Variants in STK32B observed in about 807,000 individuals in gnomAD.
STK32B encodes the protein serine/threonine-protein kinase 32B.
A neutral mutation model predicts 52.6 loss-of-function variants in STK32B; 43 were observed. That is an observed-to-expected ratio of 0.82 (90% CI 0.64 to 1.05). STK32B has a LOEUF of 1.05. Ranked by LOEUF, STK32B falls within the 50% of genes least tolerant of loss-of-function variation. The pLI, the probability that STK32B is intolerant of heterozygous loss-of-function variation, is 0.00. For missense variants in STK32B, 621 were observed against 534.6 expected (o/e 1.16, Z -1.59); for synonymous variants, 238 against 204.3 (o/e 1.17, Z -1.41).
intron 6 of STK32B, among the ~76,000 whole-genome samples, chr4:5,438,297 C>T (rs116771631): frequency 2.6e-5 from 4 of 152,118 alleles, no homozygotes; most frequent in South Asian, 2.1e-4. Context: ...AGGTGGGATT[C>T]GGAATAGCAC....
chr4:5,438,098 C>T lies in STK32B; in HGVS notation c.563-8575C>T, dbSNP rs191238059. ...TGACAAGGTTTGATGGGGAACACCTCGGCACACACAGCCATTCTGCACTGC... is the reference window on the plus strand; with the variant it reads ...TGACAAGGTTTGATGGGGAACACCTTGGCACACACAGCCATTCTGCACTGC... On this transcript the variant is annotated intron_variant, in intron 6 of 11. Coordinates refer to ENST00000282908, the MANE Select transcript of STK32B (RefSeq NM_018401.3). 4.3e-4 allele frequency: 424 copies of T among 985,522 alleles called. 5 individuals carry two copies. The highest frequency in any genetic ancestry group is 7.1e-4 in the African/African-American group (41 of 57,356). 61.0% of individuals were successfully genotyped at this position (985,522 alleles called of 1,614,324 possible). A position where few individuals can be genotyped will look rare whatever the true frequency, so the allele number is the denominator to read the frequency against.
chr4:5,336,538 G>T (rs1475590002), intron 4 of STK32B, among the ~76,000 whole-genome samples: 2 of 152,014 alleles, frequency 1.3e-5, no homozygotes, highest in Non-Finnish European at 2.9e-5. Flanking sequence ...AATTTTGCAT[G>T]TGTGAAACAA....
chr4:5,261,028 G>A (rs937048018), intron 3 of STK32B, among the ~76,000 whole-genome samples: 6 of 152,146 alleles, frequency 3.9e-5, no homozygotes, highest in Admixed American at 1.3e-4. Flanking sequence ...AAGGAAGGGG[G>A]ACACGTTGGT....
At chr4:5,426,695 A>AAAAAAAC (rs1713132936) in intron 6 of STK32B, among the ~76,000 whole-genome samples, 2 of 143,838 alleles carry the variant, frequency 1.4e-5, no homozygotes, top group South Asian at 4.3e-4. Flanking sequence ...ATCTAAACAA[A>AAAAAAAC]AAAAAAAAAA....
At chr4:5,251,561 G>C (rs559623011) in intron 3 of STK32B, among the ~76,000 whole-genome samples, 1 of 152,064 alleles carries the variant, frequency 6.6e-6, no homozygotes, top group East Asian at 1.9e-4. Context: ...TAGTTATTCA[G>C]GCTCTCTCTT....
At chr4:5,458,482 A>G (rs1385006776) in intron 8 of STK32B, 1 of 152,202 alleles carries the variant, frequency 6.6e-6, no homozygotes, top group African/African-American at 2.4e-5. Flanking sequence ...GGAAACCAAA[A>G]TCATTCAACC....
At chr4:5,128,693 A>G (rs1001258206) in intron 1 of STK32B, among the ~76,000 whole-genome samples, 3 of 152,202 alleles carry the variant, frequency 2.0e-5, no homozygotes, top group Non-Finnish European at 2.9e-5. Context: ...CATGGGGAGT[A>G]AACAGGGAGT....
intron 2 of STK32B, among the ~76,000 whole-genome samples, chr4:5,166,989 C>T (rs1285129886): frequency 6.6e-6 from 1 of 152,196 alleles, no homozygotes; most frequent in Non-Finnish European, 1.5e-5. Context: ...TCCTTGCTAA[C>T]TGTCCATGCC....
intron 4 of STK32B, among the ~76,000 whole-genome samples, chr4:5,392,973 T>C (rs1217975879): frequency 6.6e-6 from 1 of 152,214 alleles, no homozygotes; most frequent in Admixed American, 6.5e-5. Context: ...AAAGAAGTAA[T>C]GTTTAATGAG....
intron 6 of STK32B, among the ~76,000 whole-genome samples, chr4:5,440,954 C>T (rs1450558233): frequency 1.3e-5 from 2 of 150,460 alleles, no homozygotes; most frequent in Non-Finnish European, 3.0e-5. Context: ...AGGGATGAAG[C>T]CCACTTGATC....
intron 3 of STK32B, among the ~76,000 whole-genome samples, chr4:5,169,491 A>G (rs1186024733): frequency 6.6e-6 from 1 of 152,100 alleles, no homozygotes; most frequent in South Asian, 2.1e-4. Context: ...GTTGCCCTGC[A>G]CACTTAGAAG....
At chr4:5,286,005 C>G (rs1253384127) in intron 3 of STK32B, among the ~76,000 whole-genome samples, 1 of 152,050 alleles carries the variant, frequency 6.6e-6, no homozygotes, top group Non-Finnish European at 1.5e-5. Context: ...TTAGGACCCA[C>G]AGAGACACAG....
At chr4:5,192,080 G>A (rs1204333575) in intron 3 of STK32B, among the ~76,000 whole-genome samples, 1 of 152,208 alleles carries the variant, frequency 6.6e-6, no homozygotes, top group African/African-American at 2.4e-5. Flanking sequence ...AGGGAGGCAT[G>A]CTTCACTGAT....
At chr4:5,192,915 CTATGAGCATGACCTTTTTAGGAACACACA>C (rs1461804524) in intron 3 of STK32B, among the ~76,000 whole-genome samples, 1 of 152,200 alleles carries the variant, frequency 6.6e-6, no homozygotes. Context: ...CTCTCTGCTT[CTATGAGCATGACCTTTTTAGGAACACACA>C]TAGGTGGAAG....
intron 6 of STK32B, among the ~76,000 whole-genome samples, chr4:5,432,723 AG>A (rs1290675815): frequency 4.6e-5 from 7 of 152,238 alleles, no homozygotes; most frequent in Non-Finnish European, 8.8e-5. Context: ...CATGCTAAAA[AG>A]CTTGAACTTC....
rs1736785480 is a variant in STK32B at position 5,394,893 on chromosome 4, T to A, written c.435-3314T>A. On this transcript the variant is annotated intron_variant, in intron 4 of 11. Transcript: ENST00000282908. This position sits in a 1 kb window ranked among gnomAD's most constrained non-coding sequence, Gnocchi z 4.2. ...TTAACAACTTAAAATAACTCACATT[T>A]ATTTTCCCTCCATTTCCGTGGCCCA... 6.6e-6 allele frequency among the ~76,000 whole-genome samples: 1 copy of A among 152,150 alleles called. No homozygotes were observed. Among genetic ancestry groups the A allele is most frequent in the Non-Finnish European group, 1.5e-5 (1 of 68,046 alleles).
At chr4:5,335,263 G>A (rs1385298240) in intron 4 of STK32B, among the ~76,000 whole-genome samples, 10 of 152,156 alleles carry the variant, frequency 6.6e-5, no homozygotes, top group South Asian at 2.1e-4. Context: ...GTTTATTTGC[G>A]TAGAGGTGTT....
chr4:5,153,353 A>G (rs186124250), intron 2 of STK32B, among the ~76,000 whole-genome samples: 11 of 152,286 alleles, frequency 7.2e-5, no homozygotes, highest in African/African-American at 1.7e-4. Context: ...GTCTTCTGAG[A>G]AAAAGTAATG....
chr4:5,301,259 T>C (rs1369712015), intron 3 of STK32B, among the ~76,000 whole-genome samples: 1 of 152,080 alleles, frequency 6.6e-6, no homozygotes, highest in Non-Finnish European at 1.5e-5. Flanking sequence ...GTCTTTGGTT[T>C]TGGTGTCAGG....
Sources: allele counts gnomAD v4.1 joint callset (sites outside exome capture counted in the v4.1 genomes callset), GRCh38; gene constraint gnomAD v4.1.1; non-coding constraint Gnocchi (gnomAD v3.1); transcripts MANE v1.5; gene names NCBI Gene and HGNC (gene_info 2026-07-23, HGNC 2026-07-21).